LPP: variants seen among roughly 807,000 people sequenced by gnomAD.
The protein encoded by LPP is LIM domain containing preferred translocation partner in lipoma.
LPP carries 38 observed loss-of-function variants against 60.4 expected under a neutral mutation model. That is an observed-to-expected ratio of 0.63 (90% confidence interval 0.49 to 0.83). LPP has a LOEUF of 0.83. Among genes scored for constraint, LPP ranks in the 40% least tolerant of loss-of-function variants. LPP has a pLI of 0.00. For synonymous variants in LPP, 328 were observed against 290.8 expected (o/e 1.13, Z -1.30); for missense variants, 902 against 783.6 (o/e 1.15, Z -1.80).
At chr3:188,726,020 A>G (rs1371676216) in intron 8 of LPP, among the ~76,000 whole-genome samples, 2 of 152,188 alleles carry the variant, frequency 1.3e-5, no homozygotes, top group Non-Finnish European at 1.5e-5. Flanking sequence ...ATTAGTGGCC[A>G]GATCAAGAGG....
chr3:188,839,308 TG>T (rs1467513471), intron 9 of LPP, among the ~76,000 whole-genome samples: 2 of 152,194 alleles, frequency 1.3e-5, no homozygotes, highest in African/African-American at 4.8e-5. Context: ...GGAATCTTAC[TG>T]CAAGGGCCGA....
chr3:188,776,630 A>G (rs73058760), intron 9 of LPP, among the ~76,000 whole-genome samples: 2,558 of 152,304 alleles, frequency 0.017, 64 homozygotes, highest in African/African-American at 0.058. Flanking sequence ...AACACAGCCA[A>G]TGGAAAAGCC....
At chr3:188,418,760 C>A (rs188884430) in intron 4 of LPP, among the ~76,000 whole-genome samples, 54 of 152,146 alleles carry the variant, frequency 3.5e-4, no homozygotes, top group African/African-American at 1.3e-3. Flanking sequence ...GAAGTTATTA[C>A]CAAGTTTCTC....
At chr3:188,252,037 T>C (rs1168844489) in intron 2 of LPP, among the ~76,000 whole-genome samples, 1 of 40,590 alleles carries the variant, frequency 2.5e-5, no homozygotes, top group Non-Finnish European at 4.8e-5. Context: ...TCCTGATATA[T>C]ATATATATAT....
At chr3:188,767,008 T>C (rs190791498) in intron 9 of LPP, among the ~76,000 whole-genome samples, 143 of 152,310 alleles carry the variant, frequency 9.4e-4, no homozygotes, top group Middle Eastern at 3.4e-3. Context: ...TACAGTCCGT[T>C]TTAAATATTC....
At chr3:188,414,511 T>C (rs1223006110) in intron 4 of LPP, among the ~76,000 whole-genome samples, 1 of 152,180 alleles carries the variant, frequency 6.6e-6, no homozygotes, top group Non-Finnish European at 1.5e-5. Flanking sequence ...AGTATAATAA[T>C]AATTTAGCAT....
At position 188,433,083 on chromosome 3, in the gene LPP, A is replaced by G. The variant is rs575114339; in HGVS notation, c.193+26770A>G. On this transcript the variant is annotated intron_variant, in intron 4 of 11. Coordinates refer to ENST00000617246, the MANE Select transcript of LPP (RefSeq NM_001375462.1). The stretch of plus-strand genomic sequence containing the variant: ...GTGGTTCTCTTAGAGCCTTATCTCT[A>G]TCTAGGCTGGAGATTAACTCAGAAC... 6.6e-5 allele frequency among the ~76,000 whole-genome samples: 10 copies of G among 152,246 alleles called. No individual in the cohort carries two copies. In the South Asian group the frequency reaches 1.9e-3, roughly 28 times the overall value.
intron 9 of LPP, among the ~76,000 whole-genome samples, chr3:188,821,168 T>C (rs1478032749): frequency 6.6e-6 from 1 of 151,704 alleles, no homozygotes; most frequent in African/African-American, 2.4e-5. Context: ...ATGTAACTTT[T>C]AGTTACAGGT....
At chr3:188,458,175 A>G (rs2149406347) in intron 4 of LPP, among the ~76,000 whole-genome samples, 2 of 152,282 alleles carry the variant, frequency 1.3e-5, no homozygotes, top group East Asian at 3.9e-4. Flanking sequence ...CACTAGGCAC[A>G]TTTTCCAGCT....
intron 7 of LPP, among the ~76,000 whole-genome samples, chr3:188,700,128 A>C (rs1341550853): frequency 6.6e-6 from 1 of 152,218 alleles, no homozygotes; most frequent in Non-Finnish European, 1.5e-5. Flanking sequence ...AATGGACAAG[A>C]AAAATGAGCA....
At chr3:188,378,416 G>A (rs891700207) in intron 3 of LPP, among the ~76,000 whole-genome samples, 1 of 152,160 alleles carries the variant, frequency 6.6e-6, no homozygotes, top group East Asian at 1.9e-4. Flanking sequence ...GCAATGGCAG[G>A]CGCCCCTCCC....
At chr3:188,802,112 T>C (rs188186717) in intron 9 of LPP, among the ~76,000 whole-genome samples, 18 of 152,352 alleles carry the variant, frequency 1.2e-4, no homozygotes, top group African/African-American at 4.3e-4. Flanking sequence ...TCTTATGTTT[T>C]CAATCTCTCT....
intron 7 of LPP, among the ~76,000 whole-genome samples, chr3:188,682,031 T>C (rs575555453): frequency 1.1e-4 from 17 of 152,332 alleles, no homozygotes; most frequent in Admixed American, 9.1e-4. Context: ...TATTGTCTTA[T>C]TTGATCTTCA....
rs182704741 is a variant in LPP, at chr3:188,829,142, A to G, written c.1411-37058A>G. 1.8e-3 allele frequency among the ~76,000 whole-genome samples: 275 copies of G among 152,294 alleles called. 1 individual carries two copies. Among genetic ancestry groups the G allele is most frequent in the Middle Eastern group, 6.8e-3 (2 of 294 alleles). On this transcript the variant is annotated intron_variant, in intron 9 of 11. Transcript: ENST00000617246. ...CTGTTCTTCTAAGCACAATCATCTT[A>G]TATTAGCATTCATTTTTGGAACTCT...
intron 9 of LPP, among the ~76,000 whole-genome samples, chr3:188,798,318 G>A (rs955171172): frequency 6.6e-6 from 1 of 152,122 alleles, no homozygotes; most frequent in Non-Finnish European, 1.5e-5. Flanking sequence ...GTCAGGCAGG[G>A]CCTATACTCT....
intron 1 of LPP, chr3:188,179,181 A>G (rs1372148788): frequency 4.5e-6 from 2 of 448,510 alleles, no homozygotes; most frequent in Non-Finnish European, 9.0e-6. Context: ...TTATCATAGA[A>G]GCATGCTGCC....
At chr3:188,746,182 C>G (rs1726130453) in intron 8 of LPP, among the ~76,000 whole-genome samples, 1 of 152,182 alleles carries the variant, frequency 6.6e-6, no homozygotes, top group Non-Finnish European at 1.5e-5. Flanking sequence ...ACTCCCTAGT[C>G]ACCTGTCAGC....
chr3:188,476,264 G>GT (rs111494391), intron 4 of LPP, among the ~76,000 whole-genome samples: 29,991 of 152,082 alleles, frequency 0.2, 3,501 homozygotes, highest in Middle Eastern at 0.35. Context: ...ATGATATATA[G>GT]ATGGCACTCG....
intron 1 of LPP, among the ~76,000 whole-genome samples, chr3:188,164,874 A>C (rs906900280): frequency 6.6e-6 from 1 of 152,124 alleles, no homozygotes; most frequent in Non-Finnish European, 1.5e-5. Context: ...AGAATTAGTG[A>C]TATGTTACTC....
Sources: gnomAD v4.1 joint callset for allele counts (sites outside exome capture counted in the v4.1 genomes callset) on GRCh38, gnomAD v4.1.1 for gene constraint, MANE v1.5 for transcripts, NCBI Gene and HGNC (gene_info 2026-07-23, HGNC 2026-07-21) for gene names.